PCYT1A: variants seen among roughly 807,000 people sequenced by gnomAD.
The protein encoded by PCYT1A is phosphate cytidylyltransferase 1A, choline.
Under a neutral mutation model 43.7 loss-of-function variants are expected in PCYT1A, and 25 were observed. That is an observed-to-expected ratio of 0.57 (90% CI 0.42 to 0.80). The LOEUF is 0.80. PCYT1A is among the 30% of genes least tolerant of loss of function. The probability of loss-of-function intolerance (pLI) is 0.00; values close to 1 mark genes in which losing one functional copy is unlikely to be tolerated. For missense variants in PCYT1A, 421 were observed against 474.2 expected, an observed-to-expected ratio of 0.89 and a Z score of 1.04; for synonymous variants, 172 against 170.7, an observed-to-expected ratio of 1.01 and a Z score of -0.06.
intron 7 of PCYT1A, among the ~76,000 whole-genome samples, chr3:196,240,169 AC>A (rs1270033788): frequency 2.3e-4 from 35 of 152,370 alleles, no homozygotes; most frequent in African/African-American, 8.2e-4. Flanking sequence ...TAGATCTTTT[AC>A]TTAATTAATC....
intron 1 of PCYT1A, among the ~76,000 whole-genome samples, chr3:196,274,835 C>T (rs368242799): frequency 6.6e-6 from 1 of 152,208 alleles, no homozygotes; most frequent in African/African-American, 2.4e-5. Context: ...ATGTCAGAGT[C>T]GAAAGTGAAA....
chr3:196,256,755 G>A (rs142373452), intron 3 of PCYT1A, among the ~76,000 whole-genome samples: 343 of 152,130 alleles, frequency 2.3e-3, no homozygotes, highest in African/African-American at 7.2e-3. Context: ...AACCAGGCTG[G>A]TCTCGAACTC....
chr3:196,264,137 T>C (rs1725199916), intron 2 of PCYT1A, among the ~76,000 whole-genome samples: 1 of 151,428 alleles, frequency 6.6e-6, no homozygotes, highest in Non-Finnish European at 1.5e-5. Context: ...CAATGGGAAG[T>C]ACCCCATCTA....
In PCYT1A at chr3:196,238,521, G is replaced by T. The variant is rs564526158; in HGVS notation, c.*167C>A. 2.3e-5 allele frequency: 11 copies of T among 473,436 alleles called. No homozygotes were observed. Among genetic ancestry groups the T allele is most frequent in the Middle Eastern group, 1.1e-3 (2 of 1,820 alleles). The allele number at this position is 473,436 out of a possible 1,614,324, so 29.3% of individuals were successfully genotyped here. On this transcript the variant is annotated 3_prime_UTR_variant, in exon 9 of 9. Coordinates refer to ENST00000431016, the MANE Select transcript of PCYT1A (RefSeq NM_001312673.2). The stretch of plus-strand genomic sequence containing the variant: ...TTCGTGTGGGTGAGTGATGTCACTT[G>T]CAGGACAGGCTGTTTGGGTTCCCCC...
rs1724167614 is a variant in PCYT1A, at chr3:196,236,473, C to T, written c.*2215G>A. The stretch of plus-strand genomic sequence containing the variant: ...GCTGTTTCAAAGACAGACAGGATTC[C>T]AAGCCAAAGCTTGTATGACCAGATT... On this transcript the variant is annotated 3_prime_UTR_variant, in exon 9 of 9. Coordinates refer to ENST00000431016, the MANE Select transcript of PCYT1A (RefSeq NM_001312673.2). The T allele has an allele frequency of 6.6e-6, 1 of 152,210 alleles. No individual in the cohort carries two copies. Among genetic ancestry groups the T allele is most frequent in the Admixed American group, 6.5e-5 (1 of 15,286 alleles). The allele number at this position is 152,210 out of a possible 1,614,324, so 9.4% of individuals were successfully genotyped here.
intron 3 of PCYT1A, among the ~76,000 whole-genome samples, chr3:196,251,992 C>T (rs1203801174): frequency 6.6e-6 from 1 of 152,172 alleles, no homozygotes; most frequent in Non-Finnish European, 1.5e-5. Context: ...TCACTGAAAC[C>T]TCCACCTCCC....
chr3:196,280,474 A>G (rs1159980670), intron 1 of PCYT1A, among the ~76,000 whole-genome samples: 2 of 152,030 alleles, frequency 1.3e-5, no homozygotes, highest in African/African-American at 4.8e-5. Context: ...CATTACTTAC[A>G]ACACCTAATA....
rs866342607 is a variant in PCYT1A at position 196,239,601 on chromosome 3, C to T, written c.843G>A (p.Lys281=). 3 of 1,613,296 alleles carry T rather than the reference C, an allele frequency of 1.9e-6. No homozygotes were observed. Among genetic ancestry groups the T allele is most frequent in the Middle Eastern group, 1.6e-4 (1 of 6,062 alleles). ...SIDLIQKWEE[K]SREFIGSFLE... is the part of the protein sequence containing the mutation. ...GAAAACTTCCAATGAATTCTCGGGA[C>T]TTCTCCTCCCACTTCTGAATGAGGT... Residue 281 remains lysine (K), a synonymous_variant, in exon 8 of 9, where the codon AAG becomes AAA. Transcript: ENST00000431016.
Position 196,239,911 on chromosome 3 carries a change from C to A in PCYT1A, c.709-176G>T. ...TAACAGATAAGATATGCTGTGGATGCACACACAAGAAGTGGTAATTCTAAT... is the reference window on the plus strand; with the variant it reads ...TAACAGATAAGATATGCTGTGGATGAACACACAAGAAGTGGTAATTCTAAT... On this transcript the variant is annotated intron_variant, in intron 7 of 8. Transcript: ENST00000431016. 3 of 581,136 alleles carry A rather than the reference C, an allele frequency of 5.2e-6. No homozygotes were observed. In the South Asian group the frequency reaches 6.8e-5, roughly 13 times the overall value. 36.0% of individuals were successfully genotyped at this position (581,136 alleles called of 1,614,324 possible). A position where few individuals can be genotyped will look rare whatever the true frequency, so the allele number is the denominator to read the frequency against.
chr3:196,269,484 A>G (rs1725370491), intron 2 of PCYT1A, among the ~76,000 whole-genome samples: 1 of 152,134 alleles, frequency 6.6e-6, no homozygotes, highest in Admixed American at 6.6e-5. Context: ...AGTAGCTTCA[A>G]TTGTGTGTAA....
rs1300780756 is a variant in PCYT1A at position 196,273,321 on chromosome 3, C to T, written c.-10-2780G>A. ...TCTTCTCTCTTTCTGTTGCCCACAG[C>T]GTGGCAAGCAGTGGGGGAGGGGAGG... On this transcript the variant is annotated intron_variant, in intron 1 of 8. Coordinates refer to ENST00000431016, the MANE Select transcript of PCYT1A (RefSeq NM_001312673.2). The surrounding 1 kb of genome is among the most constrained non-coding windows in gnomAD (Gnocchi z 4.1). Among the ~76,000 whole-genome samples the T allele has an allele frequency of 6.6e-6, 1 of 152,190 alleles. No individual in the cohort carries two copies. The highest frequency in any genetic ancestry group is 6.5e-5 in the Admixed American group (1 of 15,274).
chr3:196,279,187 CT>C (rs1417383580), intron 1 of PCYT1A, among the ~76,000 whole-genome samples: 1 of 150,596 alleles, frequency 6.6e-6, no homozygotes, highest in Non-Finnish European at 1.5e-5. Flanking sequence ...ACCCAGGAGA[CT>C]GAGGCAGGAG....
chr3:196,264,462 T>G (rs2108775049), intron 2 of PCYT1A, among the ~76,000 whole-genome samples: 1 of 152,308 alleles, frequency 6.6e-6, no homozygotes, highest in African/African-American at 2.4e-5. Context: ...TAAGCCCTAC[T>G]TCATGATTCT....
chr3:196,244,591 G>A (rs1157163344), intron 5 of PCYT1A, among the ~76,000 whole-genome samples: 4 of 152,334 alleles, frequency 2.6e-5, no homozygotes, highest in African/African-American at 9.6e-5. Flanking sequence ...TCTGGGAGGT[G>A]TACCCAACAG....
chr3:196,259,144 A>G (rs1280397906), intron 2 of PCYT1A, among the ~76,000 whole-genome samples: 2 of 152,128 alleles, frequency 1.3e-5, no homozygotes, highest in Non-Finnish European at 2.9e-5. Context: ...CAGCTTCCCT[A>G]ATAGCTGGGA....
Position 196,242,324 on chromosome 3 carries a change from T to C in PCYT1A, c.566-234A>G, listed in dbSNP as rs1378810125. 1 of 653,852 alleles carries C rather than the reference T, an allele frequency of 1.5e-6. No individual in the cohort carries two copies. Among genetic ancestry groups the C allele is most frequent in the East Asian group, 2.7e-5 (1 of 36,816 alleles). The allele number at this position is 653,852 out of a possible 1,614,324, so 40.5% of individuals were successfully genotyped here. On this transcript the variant is annotated intron_variant, in intron 6 of 8. Coordinates refer to ENST00000431016, the MANE Select transcript of PCYT1A (RefSeq NM_001312673.2). The surrounding 1 kb of genome is among the most constrained non-coding windows in gnomAD (Gnocchi z 4.2). ...ATTAAGAAAAATATGAGAAAGGGTTTCCTGAAATTAAGAGAGATATCCAAA... is the reference window on the plus strand; with the variant it reads ...ATTAAGAAAAATATGAGAAAGGGTTCCCTGAAATTAAGAGAGATATCCAAA...
intron 2 of PCYT1A, 60 bp from the exon 3 acceptor site, chr3:196,257,947 TA>T (rs878915126): frequency 0.19 from 119,407 of 640,486 alleles, no homozygotes; most frequent in South Asian, 0.25. Context: ...ACTGTAATAC[TA>T]AAAAAAAAAA....
At chr3:196,253,805 A>G (rs1724872020) in intron 3 of PCYT1A, among the ~76,000 whole-genome samples, 1 of 152,142 alleles carries the variant, frequency 6.6e-6, no homozygotes, top group Non-Finnish European at 1.5e-5. Context: ...TCTGGGAAGA[A>G]AGCTAGCGTT....
At chr3:196,265,970 C>G (rs1411716692) in intron 2 of PCYT1A, among the ~76,000 whole-genome samples, 3 of 150,414 alleles carry the variant, frequency 2.0e-5, no homozygotes, top group Non-Finnish European at 4.4e-5. Flanking sequence ...AACTCCTGAC[C>G]TCAGGTGATC....
Sources: gnomAD v4.1 joint callset for allele counts (sites outside exome capture counted in the v4.1 genomes callset) on GRCh38, gnomAD v4.1.1 for gene constraint, Gnocchi (gnomAD v3.1) non-coding constraint, MANE v1.5 for transcripts, NCBI Gene and HGNC (gene_info 2026-07-23, HGNC 2026-07-21) for gene names.